Variants in TRIM33 observed in about 807,000 individuals in gnomAD.
TRIM33 encodes tripartite motif containing 33.
A neutral mutation model predicts 125.4 loss-of-function variants in TRIM33; 20 were observed. That is an observed-to-expected ratio of 0.16 (90% CI 0.11 to 0.23). The LOEUF (loss-of-function observed/expected upper bound fraction) is 0.23, where lower values mean the gene tolerates loss of function less well. Ranked by LOEUF, TRIM33 falls within the 10% of genes least tolerant of loss-of-function variation. The pLI, the probability that TRIM33 is intolerant of heterozygous loss-of-function variation, is 1.00. For synonymous variants in TRIM33, 564 were observed against 513.9 expected, an observed-to-expected ratio of 1.10 and a Z score of -1.32; for missense variants, 920 against 1,411.4, an observed-to-expected ratio of 0.65 and a Z score of 5.58.
chr1:114,409,571 T>C (rs1337622356), intron 12 of TRIM33, among the ~76,000 whole-genome samples: 2 of 152,228 alleles, frequency 1.3e-5, no homozygotes, highest in Non-Finnish European at 2.9e-5. Context: ...ACTGTGAATA[T>C]ACTAAGGGTT....
chr1:114,466,051 AT>A (rs747055145), intron 1 of TRIM33, among the ~76,000 whole-genome samples: 4 of 152,002 alleles, frequency 2.6e-5, no homozygotes, highest in East Asian at 3.9e-4. Flanking sequence ...AAAAAAAAAA[AT>A]AAATAAATAA....
intron 15 of TRIM33, among the ~76,000 whole-genome samples, chr1:114,404,101 AG>A (rs1316421655): frequency 1.3e-5 from 2 of 152,200 alleles, no homozygotes; most frequent in Non-Finnish European, 2.9e-5. Flanking sequence ...ATATATACAT[AG>A]ATCCTAAATC....
At chr1:114,402,919 A>G (rs1411445004) in intron 15 of TRIM33, 36 bp from the exon 16 acceptor site, 5 of 1,580,066 alleles carry the variant, frequency 3.2e-6, no homozygotes, top group African/African-American at 1.4e-5. Context: ...CCACGTAATT[A>G]TAAGAAAGCC....
intron 1 of TRIM33, among the ~76,000 whole-genome samples, chr1:114,476,545 T>C (rs759601716): frequency 1.8e-4 from 27 of 152,040 alleles, no homozygotes; most frequent in Non-Finnish European, 3.4e-4. Context: ...CTGAAATATA[T>C]ACATTACTGA....
intron 1 of TRIM33, among the ~76,000 whole-genome samples, chr1:114,474,409 T>TAAA (rs35612457): frequency 1.5e-5 from 2 of 136,308 alleles, no homozygotes; most frequent in Non-Finnish European, 1.6e-5. Context: ...TTCTACAAAT[T>TAAA]AAAAAAAAAA....
intron 1 of TRIM33, among the ~76,000 whole-genome samples, chr1:114,478,664 TAAG>T (rs988047135): frequency 1.3e-5 from 2 of 152,126 alleles, no homozygotes; most frequent in Admixed American, 6.5e-5. Flanking sequence ...CCTCAACAAA[TAAG>T]AAGTCTTAAG....
At chr1:114,454,464 C>G (rs1040036585) in intron 4 of TRIM33, among the ~76,000 whole-genome samples, 1 of 151,868 alleles carries the variant, frequency 6.6e-6, no homozygotes, top group African/African-American at 2.4e-5. Flanking sequence ...GGAGGAAGGA[C>G]TGCTTGAGCC....
intron 11 of TRIM33, among the ~76,000 whole-genome samples, chr1:114,417,330 G>A (rs983240795): frequency 4.6e-5 from 7 of 152,122 alleles, no homozygotes; most frequent in African/African-American, 1.7e-4. Flanking sequence ...TTTTTAGAGT[G>A]GATCTCATGG....
At chr1:114,443,023 GC>G (rs1475079499) in intron 4 of TRIM33, among the ~76,000 whole-genome samples, 1 of 151,236 alleles carries the variant, frequency 6.6e-6, no homozygotes, top group African/African-American at 2.4e-5. Context: ...TCTAAGAAAA[GC>G]TATTCCTTCC....
At position 114,430,379 on chromosome 1, in the gene TRIM33, T is replaced by A. The variant is rs1172809715; in HGVS notation, c.1155+419A>T. ...CCCACCTCAGTTTCCTGAGTAGCTG[T>A]GACTACTGGTGCATGCCACCACCCT... On this transcript the variant is annotated intron_variant, in intron 6 of 19. Coordinates refer to ENST00000358465, the MANE Select transcript of TRIM33 (RefSeq NM_015906.4). Among the ~76,000 whole-genome samples the A allele has an allele frequency of 2.0e-4, 30 of 152,172 alleles. 1 individual carries two copies. The highest frequency in any genetic ancestry group is 1.5e-5 in the Non-Finnish European group (1 of 68,008).
rs939596074 is a variant in TRIM33, at chr1:114,396,318, C to T, written c.*1330G>A. ...GTAAAGGTGGGTTTACTCCAGTAACCATTCAAGTGGGGATTGGCTCATTTT... is the reference window on the plus strand; with the variant it reads ...GTAAAGGTGGGTTTACTCCAGTAACTATTCAAGTGGGGATTGGCTCATTTT... On this transcript the variant is annotated 3_prime_UTR_variant, in exon 20 of 20. Transcript: ENST00000358465. 1 of 205,836 alleles carries T rather than the reference C, an allele frequency of 4.9e-6. No individual in the cohort carries two copies. Among genetic ancestry groups the T allele is most frequent in the African/African-American group, 2.3e-5 (1 of 43,756 alleles). The allele number at this position is 205,836 out of a possible 1,614,324, so 12.8% of individuals were successfully genotyped here. A position where few individuals can be genotyped will look rare whatever the true frequency, so the allele number is the denominator to read the frequency against.
rs1483359237 is a variant in TRIM33 at position 114,511,025 on chromosome 1, C to T, written c.52G>A (p.Gly18Ser). Residue 18 changes from glycine to serine, a missense_variant, in exon 1 of 20, where the codon GGC becomes AGC. Physicochemically the swap from Gly to Ser is moderately conservative, Grantham distance 56 (BLOSUM62 0). Transcript: ENST00000358465. Reference sequence around the variant, plus strand: ...GCCCCGGCAGTTACCGGCGCGCTGCCGCTGCCCCCGCCGCCGCTCTCAGCC... The same window carrying T: ...GCCCCGGCAGTTACCGGCGCGCTGCTGCTGCCCCCGCCGCCGCTCTCAGCC... ...GEAESGGGGS[G>S]SAPVTAGAAG... The T allele has an allele frequency of 7.6e-7, 1 of 1,319,522 alleles. No homozygotes were observed. Among genetic ancestry groups the T allele is most frequent in the Non-Finnish European group, 9.7e-7 (1 of 1,034,074 alleles). The allele number at this position is 1,319,522 out of a possible 1,614,324, so 81.7% of individuals were successfully genotyped here. A position where few individuals can be genotyped will look rare whatever the true frequency, so the allele number is the denominator to read the frequency against.
intron 11 of TRIM33, 74 bp downstream of exon 11, chr1:114,421,362 A>G (rs1653269955): frequency 2.2e-6 from 3 of 1,392,612 alleles, no homozygotes; most frequent in African/African-American, 1.5e-5. Flanking sequence ...AAAAAAAAAA[A>G]ACTCTGAAAT....
At chr1:114,465,923 T>A (rs544628994) in intron 1 of TRIM33, among the ~76,000 whole-genome samples, 1 of 151,824 alleles carries the variant, frequency 6.6e-6, no homozygotes, top group South Asian at 2.1e-4. Flanking sequence ...CGCGCCTGTA[T>A]TCCCAGCTAC....
intron 4 of TRIM33, among the ~76,000 whole-genome samples, chr1:114,454,390 TAAG>T (rs1048550266): frequency 6.6e-6 from 1 of 151,758 alleles, no homozygotes; most frequent in Non-Finnish European, 1.5e-5. Flanking sequence ...TGCAAACTAA[TAAG>T]AAAAAAAGTA....
At chr1:114,407,751 T>C (rs79287774) in intron 13 of TRIM33, among the ~76,000 whole-genome samples, 2,326 of 152,244 alleles carry the variant, frequency 0.015, 49 homozygotes, top group African/African-American at 0.048. Context: ...AATATCTCAG[T>C]CCATAAAGGT....
intron 1 of TRIM33, among the ~76,000 whole-genome samples, chr1:114,487,753 CG>C (rs1651795996): frequency 1.3e-5 from 2 of 150,226 alleles, no homozygotes; most frequent in African/African-American, 4.9e-5. Context: ...AAAAATTAGC[CG>C]GGCGCGGTGG....
chr1:114,397,226 TAA>T lies in TRIM33; in HGVS notation c.*420_*421del, dbSNP rs1016814560. 22 of 245,762 alleles carry T rather than the reference TAA, an allele frequency of 9.0e-5. No homozygotes were observed. Among genetic ancestry groups the T allele is most frequent in the African/African-American group, 4.0e-4 (18 of 45,288 alleles). 15.2% of individuals were successfully genotyped at this position (245,762 alleles called of 1,614,324 possible). On this transcript the variant is annotated 3_prime_UTR_variant, in exon 20 of 20. Transcript: ENST00000358465. The stretch of plus-strand genomic sequence containing the variant: ...ATGTATGTGTGTGAAGGGGGAGGGT[TAA>T]AAGTTGTTTTAATAACTGTGCGACC...
intron 1 of TRIM33, among the ~76,000 whole-genome samples, chr1:114,476,612 T>C (rs972559217): frequency 2.0e-5 from 3 of 151,952 alleles, no homozygotes; most frequent in Admixed American, 2.0e-4. Context: ...TTTAGGAATC[T>C]AATGAAGAGA....
Sources: gnomAD v4.1 joint callset for allele counts (sites outside exome capture counted in the v4.1 genomes callset) on GRCh38, gnomAD v4.1.1 for gene constraint, MANE v1.5 for transcripts, NCBI Gene and HGNC (gene_info 2026-07-23, HGNC 2026-07-21) for gene names.